The following ADAMTS2 variants were observed in gnomAD, a reference collection of about 807,000 sequenced individuals.
ADAMTS2 encodes the protein A disintegrin and metalloproteinase with thrombospondin motifs 2.
In ADAMTS2, 50 loss-of-function variants were observed where a neutral mutation model predicts 123.0. That is an observed-to-expected ratio of 0.41 (90% CI 0.32 to 0.51). The LOEUF (loss-of-function observed/expected upper bound fraction) is 0.51, where lower values mean the gene tolerates loss of function less well. Ranked by LOEUF, ADAMTS2 falls within the 20% of genes least tolerant of loss-of-function variation. ADAMTS2 has a pLI of 0.35. For synonymous variants in ADAMTS2, 678 were observed against 695.4 expected (o/e 0.98, Z 0.39); for missense variants, 1,494 against 1,705.2 (o/e 0.88, Z 2.18).
chr5:179,179,779 A>G (rs1581171199), intron 5 of ADAMTS2, among the ~76,000 whole-genome samples: 1 of 152,036 alleles, frequency 6.6e-6, no homozygotes, highest in East Asian at 1.9e-4. Context: ...TATTCCTGGG[A>G]TCCCTTCTGC....
chr5:179,135,091 C>T (rs1358302435), intron 13 of ADAMTS2, among the ~76,000 whole-genome samples: 2 of 80,730 alleles, frequency 2.5e-5, no homozygotes, highest in African/African-American at 3.5e-5. Context: ...GGCTCCAGCC[C>T]CCAGCTCCCG....
intron 2 of ADAMTS2, among the ~76,000 whole-genome samples, chr5:179,335,442 G>C (rs1757590647): frequency 6.6e-6 from 1 of 152,076 alleles, no homozygotes; most frequent in African/African-American, 2.4e-5. Context: ...GCCTTGTGTG[G>C]CTTATAGCTA....
In ADAMTS2 at chr5:179,174,663, C is replaced by G. The variant is rs569665135; in HGVS notation, c.975+6409G>C. The stretch of plus-strand genomic sequence containing the variant: ...TTTTCAACTATTTTATTCAACTGAA[C>G]TGTCTATGAAAGTTTATGCACATAT... On this transcript the variant is annotated intron_variant, in intron 5 of 21. Coordinates refer to ENST00000251582, the MANE Select transcript of ADAMTS2 (RefSeq NM_014244.5). Among the ~76,000 whole-genome samples the G allele has an allele frequency of 3.9e-4, 60 of 152,340 alleles. 1 individual carries two copies. In the South Asian group the frequency reaches 4.3e-3, roughly 11 times the overall value.
At chr5:179,149,453 G>T (rs1200971804) in intron 10 of ADAMTS2, among the ~76,000 whole-genome samples, 3 of 152,214 alleles carry the variant, frequency 2.0e-5, no homozygotes, top group African/African-American at 7.2e-5. Context: ...GATGGAGTGT[G>T]AGCTGTCCTG....
At chr5:179,172,691 CA>C (rs1258779238) in intron 5 of ADAMTS2, among the ~76,000 whole-genome samples, 4 of 152,140 alleles carry the variant, frequency 2.6e-5, no homozygotes, top group Non-Finnish European at 2.9e-5. Context: ...GATGACGTGC[CA>C]AGGGAAAGCA....
intron 3 of ADAMTS2, among the ~76,000 whole-genome samples, chr5:179,219,840 C>T (rs1483682678): frequency 6.6e-6 from 1 of 152,172 alleles, no homozygotes. Flanking sequence ...TCCCCTTCGT[C>T]CCCCCAGCAC....
intron 2 of ADAMTS2, chr5:179,341,419 G>C (rs1757769345): frequency 3.0e-6 from 1 of 334,258 alleles, no homozygotes; most frequent in Non-Finnish European, 5.8e-6. Context: ...AAAGAAAAGA[G>C]GCTGGGCGCA....
rs577339887 is a variant in ADAMTS2, at chr5:179,189,551, G to T, written c.892-8396C>A. On this transcript the variant is annotated intron_variant, in intron 4 of 21. Coordinates refer to ENST00000251582, the MANE Select transcript of ADAMTS2 (RefSeq NM_014244.5). The surrounding 1 kb of genome is among the most constrained non-coding windows in gnomAD (Gnocchi z 4.2). ...TTTTTTTTTTTTTAGTAGAGGCAGG[G>T]TTTCACAATGTTAGCCAGGATGGTC... is the stretch of plus-strand genomic sequence containing the variant. Among the ~76,000 whole-genome samples, 1 of 137,296 alleles carries T rather than the reference G, an allele frequency of 7.3e-6. No homozygotes were observed. The highest frequency in any genetic ancestry group is 1.5e-5 in the Non-Finnish European group (1 of 64,796). The allele number at this position is 137,296 out of a possible 152,430, so 90.1% of individuals were successfully genotyped here. A position where few individuals can be genotyped will look rare whatever the true frequency, so the allele number is the denominator to read the frequency against.
intron 6 of ADAMTS2, among the ~76,000 whole-genome samples, chr5:179,156,168 G>A (rs778674239): frequency 5.9e-5 from 9 of 152,048 alleles, no homozygotes; most frequent in Non-Finnish European, 1.2e-4. Context: ...AGATCTGAAA[G>A]CGCATCTTTA....
At chr5:179,320,847 C>G (rs563546761) in intron 2 of ADAMTS2, among the ~76,000 whole-genome samples, 1 of 152,176 alleles carries the variant, frequency 6.6e-6, no homozygotes, top group East Asian at 1.9e-4. Context: ...CTGTTTCCCC[C>G]GGGTTGTTGC....
chr5:179,255,942 T>C (rs1273522100), intron 3 of ADAMTS2, among the ~76,000 whole-genome samples: 1 of 152,164 alleles, frequency 6.6e-6, no homozygotes, highest in Admixed American at 6.5e-5. Context: ...GCCTAGGAAC[T>C]GGCTGCTCCC....
At chr5:179,147,225 A>T (rs925937355) in intron 10 of ADAMTS2, among the ~76,000 whole-genome samples, 2 of 152,168 alleles carry the variant, frequency 1.3e-5, no homozygotes, top group African/African-American at 4.8e-5. Flanking sequence ...AGTAGCTAGG[A>T]CTATAGGCAT....
At chr5:179,186,565 C>T (rs1029934235) in intron 4 of ADAMTS2, among the ~76,000 whole-genome samples, 2 of 152,222 alleles carry the variant, frequency 1.3e-5, no homozygotes, top group Non-Finnish European at 2.9e-5. Flanking sequence ...CAGCCCTGGC[C>T]AGAGGCCTGC....
At chr5:179,237,014 G>C (rs559360165) in intron 3 of ADAMTS2, among the ~76,000 whole-genome samples, 2 of 152,220 alleles carry the variant, frequency 1.3e-5, no homozygotes, top group East Asian at 1.9e-4. Context: ...CAGCACTTTG[G>C]GGGGTTGAGA....
At chr5:179,207,490 G>GC in intron 4 of ADAMTS2, 23 bp downstream of exon 4, 2 of 546,848 alleles carry the variant, frequency 3.7e-6, no homozygotes, top group South Asian at 2.0e-5. Flanking sequence ...GCCCCACCCT[G>GC]CCCCCTCAGC....
At chr5:179,240,894 A>G (rs903441184) in intron 3 of ADAMTS2, among the ~76,000 whole-genome samples, 14 of 152,212 alleles carry the variant, frequency 9.2e-5, no homozygotes, top group Admixed American at 2.0e-4. Context: ...AGGGAAGAGG[A>G]ACAGGGTTCA....
intron 2 of ADAMTS2, among the ~76,000 whole-genome samples, chr5:179,335,100 C>T (rs1757579533): frequency 6.6e-6 from 1 of 152,034 alleles, no homozygotes; most frequent in Admixed American, 6.6e-5. Flanking sequence ...ATGTGACCAG[C>T]CAAGAAAATT....
At chr5:179,120,594 G>A (rs1443513063) in intron 21 of ADAMTS2, 1 of 152,084 alleles carries the variant, frequency 6.6e-6, no homozygotes, top group Admixed American at 6.5e-5. Context: ...GAGGGGCGGG[G>A]AGGAGTGCTA....
rs1036232472 is a variant in ADAMTS2 at position 179,281,752 on chromosome 5, C to T, written c.535-8688G>A. Reference sequence around the variant, plus strand: ...CAGACTGTCCTCTACAGGGGCTGGACCATTCTCAGTGCCCCCAGCAGTGTG... The same window carrying T: ...CAGACTGTCCTCTACAGGGGCTGGATCATTCTCAGTGCCCCCAGCAGTGTG... On this transcript the variant is annotated intron_variant, in intron 2 of 21. Coordinates refer to ENST00000251582, the MANE Select transcript of ADAMTS2 (RefSeq NM_014244.5). 2.0e-5 allele frequency among the ~76,000 whole-genome samples: 3 copies of T among 152,168 alleles called. No individual in the cohort carries two copies. In the East Asian group the frequency reaches 5.8e-4, roughly 29 times the overall value.
Sources: allele counts gnomAD v4.1 joint callset (sites outside exome capture counted in the v4.1 genomes callset), GRCh38; gene constraint gnomAD v4.1.1; non-coding constraint Gnocchi (gnomAD v3.1); transcripts MANE v1.5; gene names NCBI Gene and HGNC (gene_info 2026-07-23, HGNC 2026-07-21).